Variants in ADCY2 observed in about 807,000 individuals in gnomAD.
ADCY2 encodes adenylate cyclase type 2.
Under a neutral mutation model 125.2 loss-of-function variants are expected in ADCY2, and 31 were observed. The observed-to-expected ratio is 0.25, with a 90% CI of 0.19 to 0.33. The LOEUF is 0.33. Ranked by LOEUF, ADCY2 falls within the 10% of genes least tolerant of loss-of-function variation. The pLI, the probability that ADCY2 is intolerant of heterozygous loss-of-function variation, is 1.00. For missense variants in ADCY2, 904 were observed against 1,418.2 expected (o/e 0.64, Z 5.82); for synonymous variants, 512 against 548.4 (o/e 0.93, Z 0.93).
At chr5:7,627,004 A>G (rs1190079585) in intron 4 of ADCY2, among the ~76,000 whole-genome samples, 1 of 152,196 alleles carries the variant, frequency 6.6e-6, no homozygotes, top group African/African-American at 2.4e-5. Context: ...TGGGGAAGTC[A>G]AATAAGAACA....
At chr5:7,518,222 T>C (rs912466681) in intron 2 of ADCY2, among the ~76,000 whole-genome samples, 16 of 152,144 alleles carry the variant, frequency 1.1e-4, no homozygotes, top group African/African-American at 3.6e-4. Flanking sequence ...TGTGTGCTGG[T>C]GGTAGCTCTT....
chr5:7,603,784 C>CTTTTTTTTTTTTTTTTTT, intron 3 of ADCY2, among the ~76,000 whole-genome samples: 78 of 62,804 alleles, frequency 1.2e-3, no homozygotes, highest in Admixed American at 1.5e-3. Context: ...TGCTCTCTTT[C>CTTTTTTTTTTTTTTTTTT]TTTTTTTTTT....
intron 2 of ADCY2, among the ~76,000 whole-genome samples, chr5:7,509,067 G>A (rs901908539): frequency 3.3e-5 from 5 of 152,136 alleles, no homozygotes; most frequent in African/African-American, 1.2e-4. Context: ...AGTTAATAAT[G>A]TTTGTGTTAG....
intron 19 of ADCY2, among the ~76,000 whole-genome samples, chr5:7,787,169 G>A (rs1744108906): frequency 6.6e-6 from 1 of 152,204 alleles, no homozygotes. Flanking sequence ...TCTCGAAGCT[G>A]AGGAAGCCTG....
In ADCY2 at chr5:7,695,705, T is replaced by G. The variant is rs752612307; in HGVS notation, c.870-47T>G. Reference sequence around the variant, plus strand: ...AAATTATTATTACTTTCTTAAAAAATGTATAAACTGGAAAACTCTGTCTCC... The same window carrying G: ...AAATTATTATTACTTTCTTAAAAAAGGTATAAACTGGAAAACTCTGTCTCC... On this transcript the variant is annotated intron_variant, in intron 5 of 24. Transcript: ENST00000338316. 21 of 1,169,538 alleles carry G rather than the reference T, an allele frequency of 1.8e-5. No individual in the cohort carries two copies. The South Asian group carries it at 2.7e-4, about 15-fold the overall frequency. The allele number at this position is 1,169,538 out of a possible 1,614,324, so 72.4% of individuals were successfully genotyped here.
In ADCY2 at chr5:7,827,571, C is replaced by T. The variant is rs1395133747; in HGVS notation, c.*700C>T. On this transcript the variant is annotated 3_prime_UTR_variant, in exon 25 of 25. Coordinates refer to ENST00000338316, the MANE Select transcript of ADCY2 (RefSeq NM_020546.3). ...TATCTTTTATTTTCCTGTCTTCTTT[C>T]TCCTGTGGTTTGCTCCAGAATTAAG... is the stretch of plus-strand genomic sequence containing the variant. 1 of 152,364 alleles carries T rather than the reference C, an allele frequency of 6.6e-6. No homozygotes were observed. The highest frequency in any genetic ancestry group is 1.5e-5 in the Non-Finnish European group (1 of 68,038). The allele number at this position is 152,364 out of a possible 1,614,324, so 9.4% of individuals were successfully genotyped here. A position where few individuals can be genotyped will look rare whatever the true frequency, so the allele number is the denominator to read the frequency against.
intron 3 of ADCY2, among the ~76,000 whole-genome samples, chr5:7,560,889 T>C (rs1735687645): frequency 1.3e-5 from 2 of 152,146 alleles, no homozygotes; most frequent in South Asian, 2.1e-4. Flanking sequence ...GGTTTTGCCA[T>C]GTTGGCCAGG....
chr5:7,501,329 C>T (rs1485030922), intron 2 of ADCY2, among the ~76,000 whole-genome samples: 1 of 152,142 alleles, frequency 6.6e-6, no homozygotes, highest in African/African-American at 2.4e-5. Flanking sequence ...GATGGAAACA[C>T]TTAAGCATGC....
chr5:7,466,096 C>A (rs1395960350), intron 2 of ADCY2, among the ~76,000 whole-genome samples: 1 of 152,152 alleles, frequency 6.6e-6, no homozygotes, highest in Non-Finnish European at 1.5e-5. Context: ...ATGATTAAAA[C>A]ATTTTAAGAT....
intron 22 of ADCY2, 110 bp downstream of exon 22, chr5:7,804,802 A>G: frequency 1.3e-6 from 1 of 764,346 alleles, no homozygotes; most frequent in South Asian, 1.6e-5. Context: ...ATTTTGTACA[A>G]CCTAAAGCTC....
chr5:7,418,356 G>C (rs1383295295), intron 2 of ADCY2, among the ~76,000 whole-genome samples: 5 of 152,294 alleles, frequency 3.3e-5, no homozygotes, highest in Non-Finnish European at 5.9e-5. Flanking sequence ...GCCTGGGGAT[G>C]TTTCTGGGAG....
chr5:7,593,826 A>T (rs1447231709), intron 3 of ADCY2, among the ~76,000 whole-genome samples: 2 of 152,192 alleles, frequency 1.3e-5, no homozygotes, highest in Non-Finnish European at 2.9e-5. Flanking sequence ...AACATGACAG[A>T]GTGTCACACT....
At chr5:7,536,402 C>G (rs1159794875) in intron 3 of ADCY2, among the ~76,000 whole-genome samples, 9 of 152,174 alleles carry the variant, frequency 5.9e-5, no homozygotes, top group Non-Finnish European at 1.2e-4. Flanking sequence ...CGACTTGAAA[C>G]TCTCACCTGT....
At chr5:7,670,177 G>A (rs1352557238) in intron 4 of ADCY2, among the ~76,000 whole-genome samples, 3 of 152,136 alleles carry the variant, frequency 2.0e-5, no homozygotes, top group Non-Finnish European at 4.4e-5. Flanking sequence ...TGGACTATGA[G>A]ACCTGCAAAC....
Position 7,784,447 on chromosome 5 carries a change from C to G in ADCY2, c.2467C>G (p.Gln823Glu). The G allele has an allele frequency of 6.2e-7, 1 of 1,612,098 alleles. No individual in the cohort carries two copies. The highest frequency in any genetic ancestry group is 8.5e-7 in the Non-Finnish European group (1 of 1,178,488). Residue 823 changes from glutamine to glutamate, a missense_variant and splice_region_variant, in exon 19 of 25, where the codon CAG (glutamine) becomes GAG (glutamate). Around this residue, in one of 7 missense-constraint regions of ADCY2, gnomAD observed 181 missense variants for 381.6 expected, o/e 0.47. Coordinates refer to ENST00000338316, the MANE Select transcript of ADCY2 (RefSeq NM_020546.3). ...CATCACACTGCTTGTTCTGGGTAGA[C>G]AGGTAAGAAGTCTGTTTATATATAT... ...FFITLLVLGR[Q>E]NEYYCRLDFL...
At chr5:7,449,654 C>T (rs1309000588) in intron 2 of ADCY2, among the ~76,000 whole-genome samples, 1 of 152,176 alleles carries the variant, frequency 6.6e-6, no homozygotes, top group Non-Finnish European at 1.5e-5. Flanking sequence ...TCCACACTGG[C>T]AACAACCAAC....
intron 3 of ADCY2, among the ~76,000 whole-genome samples, chr5:7,586,674 A>G (rs1328623132): frequency 6.6e-6 from 1 of 152,128 alleles, no homozygotes; most frequent in African/African-American, 2.4e-5. Context: ...TAGCTTGCCC[A>G]GACAGGCCCA....
intron 18 of ADCY2, 97 bp from the exon 19 acceptor site, chr5:7,784,268 C>A: frequency 2.3e-6 from 2 of 883,840 alleles, no homozygotes; most frequent in South Asian, 2.9e-5. Context: ...TAGACAGGCA[C>A]TAGAGAATCT....
chr5:7,418,796 T>C (rs1561014818), intron 2 of ADCY2, among the ~76,000 whole-genome samples: 2 of 151,664 alleles, frequency 1.3e-5, no homozygotes, highest in African/African-American at 2.4e-5. Context: ...GCTGGGATTA[T>C]AGGCACGTGC....
Sources: allele counts gnomAD v4.1 joint callset (sites outside exome capture counted in the v4.1 genomes callset), GRCh38; gene constraint gnomAD v4.1.1; regional missense constraint gnomAD v4.1.1; transcripts MANE v1.5; gene names NCBI Gene and HGNC (gene_info 2026-07-23, HGNC 2026-07-21).